ADGRL3: variants seen among roughly 807,000 people sequenced by gnomAD.
ADGRL3 encodes adhesion G protein-coupled receptor L3, also known as calcium-independent alpha-latrotoxin receptor 3.
Under a neutral mutation model 153.5 loss-of-function variants are expected in ADGRL3, and 62 were observed. That is an observed-to-expected ratio of 0.40 (90% CI 0.33 to 0.50). The LOEUF (loss-of-function observed/expected upper bound fraction) is 0.50. ADGRL3 is among the 20% of genes least tolerant of loss of function. ADGRL3 has a pLI of 0.47. For missense variants in ADGRL3, 1,641 were observed against 1,859.4 expected (o/e 0.88, Z 2.16); for synonymous variants, 710 against 672.5 (o/e 1.06, Z -0.86).
At chr4:61,604,777 G>A (rs966464548) in intron 5 of ADGRL3, among the ~76,000 whole-genome samples, 1 of 152,054 alleles carries the variant, frequency 6.6e-6, no homozygotes, top group Non-Finnish European at 1.5e-5. Flanking sequence ...GTAATCAAAT[G>A]TTTCAGTCTG....
intron 1 of ADGRL3, among the ~76,000 whole-genome samples, chr4:61,237,567 G>T (rs2149276202): frequency 6.6e-6 from 1 of 152,230 alleles, no homozygotes; most frequent in African/African-American, 2.4e-5. Flanking sequence ...ACCCCAGTCT[G>T]CACTTGAGGT....
At chr4:61,373,789 C>G (rs915122920) in intron 1 of ADGRL3, among the ~76,000 whole-genome samples, 1 of 151,984 alleles carries the variant, frequency 6.6e-6, no homozygotes, top group Non-Finnish European at 1.5e-5. Context: ...TAACTTTTTC[C>G]TACAAAAAGC....
intron 1 of ADGRL3, among the ~76,000 whole-genome samples, chr4:61,291,658 GAA>G (rs202001603): frequency 0.16 from 18,496 of 117,584 alleles, 1,339 homozygotes; most frequent in Admixed American, 0.22. Flanking sequence ...TGTATAGAGA[GAA>G]AGAGTGAGAG....
intron 8 of ADGRL3, among the ~76,000 whole-genome samples, chr4:61,734,963 A>G (rs1457421724): frequency 6.6e-6 from 1 of 152,196 alleles, no homozygotes; most frequent in Non-Finnish European, 1.5e-5. Context: ...ATAAAGTGCA[A>G]TCCTGTTAAT....
At chr4:61,232,783 T>A (rs1354765844) in intron 1 of ADGRL3, among the ~76,000 whole-genome samples, 2 of 152,176 alleles carry the variant, frequency 1.3e-5, no homozygotes, top group Non-Finnish European at 2.9e-5. Context: ...TTAAGGTAAT[T>A]ATTATGTAGG....
At chr4:61,726,512 A>G (rs2096350003) in intron 6 of ADGRL3, among the ~76,000 whole-genome samples, 1 of 151,844 alleles carries the variant, frequency 6.6e-6, no homozygotes, top group Non-Finnish European at 1.5e-5. Flanking sequence ...AACATTTTTT[A>G]TTTCAGATTT....
rs1453044857 is a variant in ADGRL3, at chr4:61,746,986, G to T, written c.1399+13432G>T. ...CAAGACTAATAAAGAAGAAAAGAGA[G>T]AATGATCAAATAGATGCAATAAAAA... On this transcript the variant is annotated intron_variant, in intron 8 of 26. Coordinates refer to ENST00000683033, the MANE Select transcript of ADGRL3 (RefSeq NM_001387552.1). 2.6e-5 allele frequency among the ~76,000 whole-genome samples: 4 copies of T among 152,194 alleles called. No individual in the cohort carries two copies. The East Asian group carries it at 7.7e-4, about 29-fold the overall frequency.
intron 4 of ADGRL3, among the ~76,000 whole-genome samples, chr4:61,548,725 G>A (rs1340375715): frequency 6.6e-6 from 1 of 152,008 alleles, no homozygotes; most frequent in Non-Finnish European, 1.5e-5. Context: ...CTCCAGCTTT[G>A]TTGTTTTTGC....
intron 5 of ADGRL3, among the ~76,000 whole-genome samples, chr4:61,642,428 GTTTAAGTC>G (rs2093725909): frequency 6.6e-6 from 1 of 152,100 alleles, no homozygotes; most frequent in Non-Finnish European, 1.5e-5. Flanking sequence ...TAGGTCCAAG[GTTTAAGTC>G]TTTAATCCAT....
intron 5 of ADGRL3, among the ~76,000 whole-genome samples, chr4:61,632,218 T>TA (rs1310519734): frequency 3.3e-5 from 5 of 152,128 alleles, no homozygotes; most frequent in East Asian, 1.9e-4. Flanking sequence ...AATTCCTACC[T>TA]AAAAAAACAT....
intron 6 of ADGRL3, among the ~76,000 whole-genome samples, chr4:61,682,612 G>A (rs1331923957): frequency 7.0e-6 from 1 of 143,368 alleles, no homozygotes; most frequent in Admixed American, 7.4e-5. Flanking sequence ...TGTTTCCCAG[G>A]CTGGTCTCAA....
intron 17 of ADGRL3, among the ~76,000 whole-genome samples, chr4:61,974,511 A>G (rs2099041170): frequency 6.6e-6 from 1 of 152,130 alleles, no homozygotes; most frequent in South Asian, 2.1e-4. Context: ...AATTCAGAAT[A>G]CATTCAGATT....
rs376850531 is a variant in ADGRL3 at position 61,533,267 on chromosome 4, A to G, written c.259+15749A>G. ...ACCTAAGATCTCAAAGGTTGAAATC[A>G]TTGTGATGTGGCAAGTGGGATCTCT... On this transcript the variant is annotated intron_variant, in intron 4 of 26. Coordinates refer to ENST00000683033, the MANE Select transcript of ADGRL3 (RefSeq NM_001387552.1). Among the ~76,000 whole-genome samples the G allele has an allele frequency of 1.5e-3, 225 of 152,302 alleles. 1 individual carries two copies. The highest frequency in any genetic ancestry group is 5.0e-3 in the African/African-American group (208 of 41,566).
chr4:61,732,332 T>A (rs998846606), intron 7 of ADGRL3, among the ~76,000 whole-genome samples: 1 of 152,192 alleles, frequency 6.6e-6, no homozygotes, highest in Non-Finnish European at 1.5e-5. Flanking sequence ...AACTACTGAA[T>A]GGTGAATTTC....
At chr4:61,799,144 A>G (rs927340599) in intron 8 of ADGRL3, among the ~76,000 whole-genome samples, 4 of 150,758 alleles carry the variant, frequency 2.7e-5, no homozygotes, top group Admixed American at 2.0e-4. Context: ...GTCCAAGAAG[A>G]ATTTTGTATG....
chr4:61,456,513 A>T (rs1188658182), intron 2 of ADGRL3, among the ~76,000 whole-genome samples: 1 of 141,658 alleles, frequency 7.1e-6, no homozygotes, highest in Non-Finnish European at 1.5e-5. Context: ...ATATATATAT[A>T]ACTATATATA....
intron 2 of ADGRL3, among the ~76,000 whole-genome samples, chr4:61,486,413 T>C (rs558331843): frequency 1.2e-4 from 19 of 152,332 alleles, no homozygotes; most frequent in Non-Finnish European, 2.4e-4. Context: ...TTATCAATCA[T>C]GAACTACTCA....
chr4:61,916,089 A>G (rs1233259997), intron 13 of ADGRL3, among the ~76,000 whole-genome samples: 1 of 152,164 alleles, frequency 6.6e-6, no homozygotes, highest in Non-Finnish European at 1.5e-5. Context: ...TCACACACAA[A>G]TGAAAGCACA....
chr4:61,970,334 A>T (rs1016196630), intron 17 of ADGRL3, among the ~76,000 whole-genome samples: 1 of 152,108 alleles, frequency 6.6e-6, no homozygotes, highest in Non-Finnish European at 1.5e-5. Context: ...TCCTACCTTC[A>T]TTCTCATCCC....
Sources: gnomAD v4.1 joint callset for allele counts (sites outside exome capture counted in the v4.1 genomes callset) on GRCh38, gnomAD v4.1.1 for gene constraint, MANE v1.5 for transcripts, NCBI Gene and HGNC (gene_info 2026-07-23, HGNC 2026-07-21) for gene names.